Variants in MAGI2 observed in about 807,000 individuals in gnomAD.
MAGI2 encodes membrane associated guanylate kinase, WW and PDZ domain containing 2, also known as membrane-associated guanylate kinase, WW and PDZ domain-containing protein 2.
Under a neutral mutation model 133.3 loss-of-function variants are expected in MAGI2, and 35 were observed. The ratio of observed to expected loss-of-function variants is 0.26; its 90% CI spans 0.20 to 0.35. The LOEUF is 0.35. Among genes scored for constraint, MAGI2 ranks in the 10% least tolerant of loss-of-function variants. MAGI2 has a pLI of 1.00. For synonymous variants in MAGI2, 729 were observed against 710.6 expected, an observed-to-expected ratio of 1.03 and a Z score of -0.41; for missense variants, 1,636 against 1,863.4, an observed-to-expected ratio of 0.88 and a Z score of 2.25.
At position 78,132,917 on chromosome 7, in the gene MAGI2, G is replaced by T; in HGVS notation, c.3175C>A (p.Pro1059Thr). 6.2e-7 allele frequency: 1 copy of T among 1,614,078 alleles called. No homozygotes were observed. The highest frequency in any genetic ancestry group is 8.5e-7 in the Non-Finnish European group (1 of 1,179,994). ...TTTTCGTGTCCTTGCAGCTGAAGTG[G>T]TTGAGGTGGTGCTGGCTGGGCGATG... ...SPIAQPAPPQ[P>T]LQLQGHENSY... is the part of the protein sequence containing the mutation. The change falls in exon 18 of 22, where the codon CCA (proline) becomes ACA (threonine). Residue 1059 changes from proline (P) to threonine (T), a missense_variant. Physicochemically the swap from Pro to Thr is conservative, Grantham distance 38 (BLOSUM62 -1). This residue lies in a region of MAGI2 where 920 missense variants were observed against 1,093.5 expected (regional missense o/e 0.84). Transcript: ENST00000354212.
chr7:78,847,364 G>A (rs562746946), intron 2 of MAGI2, among the ~76,000 whole-genome samples: 2 of 151,894 alleles, frequency 1.3e-5, no homozygotes, highest in Non-Finnish European at 2.9e-5. Flanking sequence ...CGTGGCTTGC[G>A]AGGGGTACTA....
At chr7:78,187,178 T>C (rs1827775038) in intron 12 of MAGI2, among the ~76,000 whole-genome samples, 1 of 152,144 alleles carries the variant, frequency 6.6e-6, no homozygotes, top group Non-Finnish European at 1.5e-5. Flanking sequence ...TAAATTCACA[T>C]TGTAGGTAGA....
chr7:78,025,136 A>G (rs1032707403), intron 21 of MAGI2, among the ~76,000 whole-genome samples: 1 of 152,028 alleles, frequency 6.6e-6, no homozygotes, highest in Non-Finnish European at 1.5e-5. Context: ...CTCCACCCAC[A>G]CTGGTCTTCG....
intron 10 of MAGI2, 22 bp downstream of exon 10, chr7:78,255,921 G>C (rs1173564581): frequency 6.2e-7 from 1 of 1,609,606 alleles, no homozygotes; most frequent in East Asian, 2.2e-5. Flanking sequence ...ATATTTTATT[G>C]CTGAGCCAGT....
chr7:78,226,517 T>G (rs530883932), intron 10 of MAGI2, among the ~76,000 whole-genome samples: 1 of 152,328 alleles, frequency 6.6e-6, no homozygotes, highest in South Asian at 2.1e-4. Context: ...TGGCAGCGAA[T>G]GAGACCTTTT....
intron 6 of MAGI2, chr7:78,487,406 AAAG>A (rs1404179043): frequency 1.3e-5 from 2 of 155,818 alleles, no homozygotes; most frequent in African/African-American, 4.8e-5. Context: ...CTTAAAAGAA[AAAG>A]AAAAAGAAAG....
intron 2 of MAGI2, among the ~76,000 whole-genome samples, chr7:78,801,609 A>G (rs77872851): frequency 8.6e-6 from 1 of 116,410 alleles, no homozygotes; most frequent in Non-Finnish European, 2.1e-5. Flanking sequence ...AATAATAAAA[A>G]GGGTTTTTTT....
intron 2 of MAGI2, among the ~76,000 whole-genome samples, chr7:78,729,723 G>A (rs1821183471): frequency 6.6e-6 from 1 of 152,166 alleles, no homozygotes; most frequent in South Asian, 2.1e-4. Flanking sequence ...AAGTGTTTGA[G>A]CCATAGGACT....
intron 2 of MAGI2, among the ~76,000 whole-genome samples, chr7:78,972,649 A>G (rs1803886224): frequency 1.3e-5 from 2 of 151,802 alleles, no homozygotes; most frequent in South Asian, 4.1e-4. Flanking sequence ...GGCATTATAT[A>G]ATATATATAA....
At chr7:78,757,500 CAAAAT>C (rs1414016953) in intron 2 of MAGI2, among the ~76,000 whole-genome samples, 1 of 152,080 alleles carries the variant, frequency 6.6e-6, no homozygotes, top group African/African-American at 2.4e-5. Context: ...AAAAATAAAG[CAAAAT>C]AAAACTTAAA....
Position 78,995,963 on chromosome 7 carries a change from T to A in MAGI2, c.418+11127A>T, listed in dbSNP as rs374640481. On this transcript the variant is annotated intron_variant, in intron 2 of 21. Coordinates refer to ENST00000354212, the MANE Select transcript of MAGI2 (RefSeq NM_012301.4). ...AAGATGGGAAATAACACTCACCTTATGGGAACACTATGAGAATTCAATGAG... is the reference window on the plus strand; with the variant it reads ...AAGATGGGAAATAACACTCACCTTAAGGGAACACTATGAGAATTCAATGAG... 2.0e-4 allele frequency among the ~76,000 whole-genome samples: 31 copies of A among 152,304 alleles called. No individual in the cohort carries two copies. In the South Asian group the frequency reaches 6.0e-3, roughly 29 times the overall value.
At chr7:78,371,943 C>A (rs543829061) in intron 6 of MAGI2, among the ~76,000 whole-genome samples, 2 of 152,056 alleles carry the variant, frequency 1.3e-5, no homozygotes, top group African/African-American at 4.8e-5. Context: ...CCATTTGTTT[C>A]ATTTTAAATA....
At chr7:78,751,203 G>T (rs1823425299) in intron 2 of MAGI2, among the ~76,000 whole-genome samples, 1 of 152,086 alleles carries the variant, frequency 6.6e-6, no homozygotes, top group Non-Finnish European at 1.5e-5. Context: ...TTAATTTCAA[G>T]GCATCATTGT....
At chr7:78,511,548 TA>T (rs762909105) in intron 4 of MAGI2, among the ~76,000 whole-genome samples, 1,624 of 114,900 alleles carry the variant, frequency 0.014, 33 homozygotes, top group African/African-American at 0.056. Flanking sequence ...TATATATATA[TA>T]AATTTTTTTT....
chr7:78,269,832 TC>T (rs1361153356), intron 9 of MAGI2, among the ~76,000 whole-genome samples: 1 of 152,228 alleles, frequency 6.6e-6, no homozygotes, highest in Non-Finnish European at 1.5e-5. Context: ...AGTCATAAAG[TC>T]TTTGCCCATG....
At chr7:78,190,213 C>T (rs1828073411) in intron 12 of MAGI2, among the ~76,000 whole-genome samples, 1 of 152,102 alleles carries the variant, frequency 6.6e-6, no homozygotes, top group Admixed American at 6.6e-5. Flanking sequence ...ATATGTCTAA[C>T]TTTCTGGGTT....
chr7:78,415,261 A>G (rs377190530), intron 6 of MAGI2, among the ~76,000 whole-genome samples: 1 of 152,092 alleles, frequency 6.6e-6, no homozygotes, highest in Non-Finnish European at 1.5e-5. Context: ...ATAAATTCTC[A>G]TTGACCTTAA....
chr7:78,583,888 A>C (rs1440514816), intron 3 of MAGI2, among the ~76,000 whole-genome samples: 7 of 152,138 alleles, frequency 4.6e-5, no homozygotes, highest in Non-Finnish European at 8.8e-5. Context: ...TATAATGGAG[A>C]ATTCAGGGGA....
At chr7:78,805,046 C>T (rs1383045337) in intron 2 of MAGI2, among the ~76,000 whole-genome samples, 1 of 147,402 alleles carries the variant, frequency 6.8e-6, no homozygotes, top group African/African-American at 2.5e-5. Context: ...CCAGCCTGGG[C>T]GACAGCAAGA....
Sources: gnomAD v4.1 joint callset for allele counts (sites outside exome capture counted in the v4.1 genomes callset) on GRCh38, gnomAD v4.1.1 for gene constraint, gnomAD v4.1.1 regional missense constraint, MANE v1.5 for transcripts, NCBI Gene and HGNC (gene_info 2026-07-23, HGNC 2026-07-21) for gene names.